The following PLEKHA7 variants were observed in gnomAD, a reference collection of about 807,000 sequenced individuals.
The protein encoded by PLEKHA7 is pleckstrin homology domain-containing family A member 7.
In PLEKHA7, 104 loss-of-function variants were observed where a neutral mutation model predicts 170.0. The ratio of observed to expected loss-of-function variants is 0.61; its 90% CI spans 0.52 to 0.72. The LOEUF (loss-of-function observed/expected upper bound fraction) is 0.72. Ranked by LOEUF, PLEKHA7 falls within the 30% of genes least tolerant of loss-of-function variation. The pLI, the probability that PLEKHA7 is intolerant of heterozygous loss-of-function variation, is 0.00. For synonymous variants in PLEKHA7, 648 were observed against 660.8 expected, an observed-to-expected ratio of 0.98 and a Z score of 0.30; for missense variants, 1,615 against 1,671.7, an observed-to-expected ratio of 0.97 and a Z score of 0.59.
intron 9 of PLEKHA7, among the ~76,000 whole-genome samples, chr11:16,839,216 A>G (rs1851768420): frequency 6.6e-6 from 1 of 152,076 alleles, no homozygotes; most frequent in African/African-American, 2.4e-5. Context: ...GATCCTTCAG[A>G]TGTCATTATT....
At chr11:16,859,025 CA>C (rs900065838) in intron 4 of PLEKHA7, among the ~76,000 whole-genome samples, 15 of 152,222 alleles carry the variant, frequency 9.9e-5, no homozygotes, top group African/African-American at 3.4e-4. Flanking sequence ...CTACACCGCT[CA>C]AACACACCCA....
Position 16,996,582 on chromosome 11 carries a change from T to C in PLEKHA7, c.221+17407A>G, listed in dbSNP as rs577484950. Among the ~76,000 whole-genome samples the C allele has an allele frequency of 2.0e-5, 3 of 152,316 alleles. No individual in the cohort carries two copies. The East Asian group carries it at 5.8e-4, about 29-fold the overall frequency. ...AACCTGCAGGAAGGAAGTCAACAGC[T>C]TACGGTCCTCAGCCAGGACTGAGTT... On this transcript the variant is annotated intron_variant, in intron 3 of 26. Transcript: ENST00000531066.
In PLEKHA7 at chr11:16,930,175, TAA is replaced by T. The variant is rs1346408598; in HGVS notation, c.222-58995_222-58994del. Among the ~76,000 whole-genome samples the T allele has an allele frequency of 1.1e-4, 16 of 152,150 alleles. No homozygotes were observed. The South Asian group carries it at 3.3e-3, about 32-fold the overall frequency. On this transcript the variant is annotated intron_variant, in intron 3 of 26. Coordinates refer to ENST00000531066, the MANE Select transcript of PLEKHA7 (RefSeq NM_001329630.2). ...CATAGACCAGAGGAAGGAACAGAGG[TAA>T]GAAAGACAACTCTGTTGACTTTCTC...
chr11:16,996,560 C>T (rs1864350354), intron 3 of PLEKHA7, among the ~76,000 whole-genome samples: 1 of 152,218 alleles, frequency 6.6e-6, no homozygotes, highest in Non-Finnish European at 1.5e-5. Flanking sequence ...TGCTTATAAC[C>T]TGCAGGAAGG....
intron 3 of PLEKHA7, among the ~76,000 whole-genome samples, chr11:16,919,925 T>C (rs1858964805): frequency 6.6e-6 from 1 of 152,216 alleles, no homozygotes; most frequent in African/African-American, 2.4e-5. Context: ...GCTTCCCTTC[T>C]CTGGGATTTG....
intron 3 of PLEKHA7, among the ~76,000 whole-genome samples, chr11:17,004,801 T>G (rs1275525880): frequency 1.3e-5 from 2 of 152,220 alleles, no homozygotes; most frequent in African/African-American, 4.8e-5. Flanking sequence ...AAATACTCTG[T>G]AAATGATAAA....
chr11:16,938,769 A>C (rs1407057104), intron 3 of PLEKHA7, among the ~76,000 whole-genome samples: 1 of 152,202 alleles, frequency 6.6e-6, no homozygotes, highest in Non-Finnish European at 1.5e-5. Flanking sequence ...AAAAAATAGA[A>C]TGCTTTAGGA....
chr11:16,850,157 C>A (rs919217633), intron 8 of PLEKHA7, among the ~76,000 whole-genome samples: 1 of 152,178 alleles, frequency 6.6e-6, no homozygotes, highest in African/African-American at 2.4e-5. Flanking sequence ...TGAGCTTTCC[C>A]GTGGTCCTCT....
chr11:16,920,799 T>C (rs531838757), intron 3 of PLEKHA7, among the ~76,000 whole-genome samples: 10 of 152,346 alleles, frequency 6.6e-5, no homozygotes, highest in African/African-American at 1.4e-4. Flanking sequence ...GTGGAAACTC[T>C]TTCTTTGCTA....
chr11:16,890,085 C>T (rs943956412), intron 3 of PLEKHA7, among the ~76,000 whole-genome samples: 7 of 152,110 alleles, frequency 4.6e-5, no homozygotes, highest in African/African-American at 1.7e-4. Context: ...TAAAATGTTT[C>T]CTAGACAAGC....
At chr11:16,929,045 T>C (rs1407614875) in intron 3 of PLEKHA7, among the ~76,000 whole-genome samples, 1 of 152,210 alleles carries the variant, frequency 6.6e-6, no homozygotes, top group Non-Finnish European at 1.5e-5. Flanking sequence ...ATATAGTACT[T>C]TGGTAATCAC....
At chr11:16,968,735 C>T (rs954073279) in intron 3 of PLEKHA7, among the ~76,000 whole-genome samples, 17 of 152,300 alleles carry the variant, frequency 1.1e-4, no homozygotes, top group South Asian at 2.1e-4. Context: ...CCACCAACAG[C>T]GCTTGCATGC....
chr11:16,833,842 T>C (rs1455343047), intron 9 of PLEKHA7, among the ~76,000 whole-genome samples: 1 of 152,114 alleles, frequency 6.6e-6, no homozygotes, highest in African/African-American at 2.4e-5. Flanking sequence ...CACCTCTTCT[T>C]ATCATCACAC....
chr11:16,949,223 A>C (rs1022008675), intron 3 of PLEKHA7, among the ~76,000 whole-genome samples: 2 of 151,692 alleles, frequency 1.3e-5, no homozygotes, highest in African/African-American at 4.8e-5. Context: ...ACCATTCACC[A>C]CTACACAGAA....
intron 3 of PLEKHA7, among the ~76,000 whole-genome samples, chr11:16,991,803 C>T (rs1339506936): frequency 6.6e-6 from 1 of 152,182 alleles, no homozygotes; most frequent in African/African-American, 2.4e-5. Context: ...TAAACAGTCC[C>T]TCCAGCTGCT....
At chr11:16,925,514 G>A (rs941246410) in intron 3 of PLEKHA7, among the ~76,000 whole-genome samples, 1 of 152,118 alleles carries the variant, frequency 6.6e-6, no homozygotes, top group African/African-American at 2.4e-5. Context: ...AAGTTACAGC[G>A]CGCACACACA....
intron 3 of PLEKHA7, among the ~76,000 whole-genome samples, chr11:16,971,725 T>C (rs1862724526): frequency 6.6e-6 from 1 of 152,204 alleles, no homozygotes; most frequent in African/African-American, 2.4e-5. Flanking sequence ...ATTTTTATTC[T>C]ATTTTTTTCT....
At chr11:16,831,439 G>A (rs552376215) in intron 9 of PLEKHA7, among the ~76,000 whole-genome samples, 14 of 152,294 alleles carry the variant, frequency 9.2e-5, no homozygotes, top group African/African-American at 3.4e-4. Context: ...GTCAATGACT[G>A]TATTACTCAG....
chr11:16,824,225 T>A (rs1162288123), intron 10 of PLEKHA7, among the ~76,000 whole-genome samples: 1 of 152,198 alleles, frequency 6.6e-6, no homozygotes, highest in African/African-American at 2.4e-5. Flanking sequence ...AACAATAATT[T>A]ATTGTACATT....
Sources: gnomAD v4.1 joint callset for allele counts (sites outside exome capture counted in the v4.1 genomes callset) on GRCh38, gnomAD v4.1.1 for gene constraint, MANE v1.5 for transcripts, NCBI Gene and HGNC (gene_info 2026-07-23, HGNC 2026-07-21) for gene names.